MYOM3: variants seen among roughly 807,000 people sequenced by gnomAD.
The protein encoded by MYOM3 is myomesin 3, also known as myomesin-3.
A neutral mutation model predicts 191.7 loss-of-function variants in MYOM3; 155 were observed. That is an observed-to-expected ratio of 0.81 (90% CI 0.71 to 0.92). MYOM3 has a LOEUF of 0.92. Ranked by LOEUF, MYOM3 falls within the 40% of genes least tolerant of loss-of-function variation. The probability of loss-of-function intolerance (pLI) is 0.00; values close to 1 mark genes in which losing one functional copy is unlikely to be tolerated. For synonymous variants in MYOM3, 757 were observed against 762.9 expected, an observed-to-expected ratio of 0.99 and a Z score of 0.13; for missense variants, 1,889 against 1,890.6, an observed-to-expected ratio of 1.00 and a Z score of 0.02.
chr1:24,062,536 A>AT (rs1643383538), intron 32 of MYOM3, among the ~76,000 whole-genome samples: 1 of 152,178 alleles, frequency 6.6e-6, no homozygotes, highest in African/African-American at 2.4e-5. Context: ...AGGCTGAGGC[A>AT]TGCAGCTGGT....
intron 5 of MYOM3, among the ~76,000 whole-genome samples, chr1:24,103,440 T>C (rs1389450853): frequency 2.0e-5 from 3 of 152,266 alleles, no homozygotes; most frequent in Non-Finnish European, 2.9e-5. Flanking sequence ...TTTCTCTGTC[T>C]TCTGAAGCAT....
rs1643399661 is a variant in MYOM3, at chr1:24,063,636, T to A, written c.3623-106A>T. The A allele has an allele frequency of 1.5e-6, 2 of 1,327,594 alleles. No homozygotes were observed. Among genetic ancestry groups the A allele is most frequent in the East Asian group, 2.4e-5 (1 of 41,602 alleles). 82.2% of individuals were successfully genotyped at this position (1,327,594 alleles called of 1,614,324 possible). ...GGCTGGTGGAGCCCGTGAGCTGCTC[T>A]CAGGGGGACAGGCAACTCTGTAGGA... On this transcript the variant is annotated intron_variant, in intron 30 of 36. Coordinates refer to ENST00000374434, the MANE Select transcript of MYOM3 (RefSeq NM_152372.4). This position sits in a 1 kb window ranked among gnomAD's most constrained non-coding sequence, Gnocchi z 4.5.
chr1:24,065,391 G>A (rs536996564), intron 29 of MYOM3, among the ~76,000 whole-genome samples: 17 of 152,212 alleles, frequency 1.1e-4, no homozygotes, highest in Non-Finnish European at 2.5e-4. Flanking sequence ...AGGCCATGGG[G>A]GAGGACTTGG....
At chr1:24,090,715 G>T in intron 12 of MYOM3, 82 bp downstream of exon 12, 1 of 1,408,560 alleles carries the variant, frequency 7.1e-7, no homozygotes, top group Non-Finnish European at 9.9e-7. Context: ...GCTCCTGAGG[G>T]CTGGATTGTC....
At chr1:24,086,562 G>T in intron 15 of MYOM3, 82 bp downstream of exon 15, 1 of 1,387,614 alleles carries the variant, frequency 7.2e-7, no homozygotes, top group Non-Finnish European at 9.9e-7. Context: ...CAGGGAAGTG[G>T]GCAGGGCTTT....
At chr1:24,094,056 C>A (rs1056766128) in intron 9 of MYOM3, among the ~76,000 whole-genome samples, 1 of 152,156 alleles carries the variant, frequency 6.6e-6, no homozygotes, top group Non-Finnish European at 1.5e-5. Context: ...CACCACCACC[C>A]TGACTCTGCA....
At chr1:24,105,797 G>T in intron 5 of MYOM3, 123 bp downstream of exon 5, 6 of 986,272 alleles carry the variant, frequency 6.1e-6, no homozygotes, top group South Asian at 5.6e-5. Flanking sequence ...TGCTCTATTC[G>T]GTGGGTGGAC....
intron 20 of MYOM3, among the ~76,000 whole-genome samples, chr1:24,078,158 G>T (rs1643624312): frequency 6.7e-6 from 1 of 149,172 alleles, no homozygotes; most frequent in African/African-American, 2.5e-5. Context: ...CTTGCTCTGT[G>T]GCAGGGAGTG....
intron 3 of MYOM3, 145 bp downstream of exon 3, chr1:24,107,848 T>TA (rs539400437): frequency 4.6e-4 from 314 of 675,984 alleles, no homozygotes; most frequent in Admixed American, 7.7e-4. Flanking sequence ...GCCCTGGGCT[T>TA]AAACTCCTGT....
At chr1:24,088,027 C>G (rs1643768909) in intron 14 of MYOM3, among the ~76,000 whole-genome samples, 1 of 152,194 alleles carries the variant, frequency 6.6e-6, no homozygotes, top group African/African-American at 2.4e-5. Context: ...TATTAAACTT[C>G]ACTCAGGTGT....
rs567960212 is a variant in MYOM3 at position 24,086,152 on chromosome 1, G to A, written c.1798+492C>T. 3.9e-5 allele frequency among the ~76,000 whole-genome samples: 6 copies of A among 152,232 alleles called. No homozygotes were observed. In the South Asian group the frequency reaches 1.0e-3, roughly 26 times the overall value. ...GTGATGGGGCCCTTTAGAACAATGG[G>A]TTTGCCAGTTGAGGACAGCAAGGTG... is the stretch of plus-strand genomic sequence containing the variant. On this transcript the variant is annotated intron_variant, in intron 15 of 36. Coordinates refer to ENST00000374434, the MANE Select transcript of MYOM3 (RefSeq NM_152372.4).
chr1:24,108,108 C>A (rs1195370098), intron 2 of MYOM3, 35 bp from the exon 3 acceptor site: 5 of 1,598,520 alleles, frequency 3.1e-6, no homozygotes, highest in Non-Finnish European at 8.6e-7. Flanking sequence ...ATGGCTCTTG[C>A]AGGATTGGCT....
At chr1:24,064,271 C>T in intron 29 of MYOM3, 112 bp from the exon 30 acceptor site, 3 of 738,120 alleles carry the variant, frequency 4.1e-6, no homozygotes, top group Non-Finnish European at 6.7e-6. Flanking sequence ...TGTGTGACCT[C>T]AGGTAAGACC....
intron 12 of MYOM3, 75 bp from the exon 13 acceptor site, chr1:24,090,193 G>T: frequency 8.1e-7 from 1 of 1,231,762 alleles, no homozygotes; most frequent in East Asian, 2.3e-5. Context: ...CCCACACCAG[G>T]GTCTGCGTCC....
intron 20 of MYOM3, among the ~76,000 whole-genome samples, chr1:24,076,662 C>G (rs1200022358): frequency 9.6e-6 from 1 of 103,630 alleles, no homozygotes; most frequent in Non-Finnish European, 2.1e-5. Context: ...TACAGGCGCC[C>G]GCCACTACGC....
At chr1:24,084,204 G>T in intron 16 of MYOM3, 1 of 426,438 alleles carries the variant, frequency 2.3e-6, no homozygotes, top group South Asian at 2.4e-5. Context: ...AAGTTCTCAT[G>T]AGATCTGCTT....
intron 9 of MYOM3, among the ~76,000 whole-genome samples, chr1:24,093,572 G>A (rs1298944345): frequency 6.6e-6 from 1 of 151,948 alleles, no homozygotes; most frequent in Non-Finnish European, 1.5e-5. Context: ...CAGGGGTCAG[G>A]TAAGGGAGTG....
At position 24,067,035 on chromosome 1, in the gene MYOM3, G is replaced by A; in HGVS notation, c.3409C>T (p.Gln1137Ter). The A allele has an allele frequency of 1.3e-6, 2 of 1,574,124 alleles. No homozygotes were observed. Among genetic ancestry groups the A allele is most frequent in the Non-Finnish European group, 1.7e-6 (2 of 1,157,822 alleles). Reference sequence around the variant, plus strand: ...GCAGGACTTGCCTTGCACGTCAGCTGCACTTGGCAGTCCTCCGTGACCTTC... The same window carrying A: ...GCAGGACTTGCCTTGCACGTCAGCTACACTTGGCAGTCCTCCGTGACCTTC... Reference protein sequence around the residue: ...QWKVTEDCQVQLTCKVTNTKK... With the variant: ...QWKVTEDCQV Residue 1137 changes from glutamine (Q) to a stop codon, truncating the protein, a stop_gained, in exon 28 of 37, where the codon CAG becomes TAG. Coordinates refer to ENST00000374434, the MANE Select transcript of MYOM3 (RefSeq NM_152372.4). LOFTEE classifies it high-confidence loss of function.
In MYOM3 at chr1:24,073,714, A is replaced by G. The variant is rs183312711; in HGVS notation, c.2968+446T>C. Among the ~76,000 whole-genome samples, 36 of 152,162 alleles carry G rather than the reference A, an allele frequency of 2.4e-4. 1 individual carries two copies. In the East Asian group the frequency reaches 6.8e-3, roughly 29 times the overall value. ...CCCATCTCTACTAAAAATACAAAAA[A>G]TTAGCCAGCATGGTGGCAGGCACCT... On this transcript the variant is annotated intron_variant, in intron 23 of 36. Coordinates refer to ENST00000374434, the MANE Select transcript of MYOM3 (RefSeq NM_152372.4).
Sources: allele counts gnomAD v4.1 joint callset (sites outside exome capture counted in the v4.1 genomes callset), GRCh38; gene constraint gnomAD v4.1.1; non-coding constraint Gnocchi (gnomAD v3.1); transcripts MANE v1.5; gene names NCBI Gene and HGNC (gene_info 2026-07-23, HGNC 2026-07-21).